The following GTF2A1L variants were observed in gnomAD, a reference collection of about 807,000 sequenced individuals.
GTF2A1L encodes general transcription factor IIA subunit 1 like.
A neutral mutation model predicts 49.7 loss-of-function variants in GTF2A1L; 48 were observed. That is an observed-to-expected ratio of 0.97 (90% CI 0.77 to 1.23). The LOEUF is 1.23. Ranked by LOEUF, GTF2A1L falls within the 50% of genes most tolerant of loss-of-function variation. The pLI is 0.00. For synonymous variants in GTF2A1L, 246 were observed against 193.5 expected, an observed-to-expected ratio of 1.27 and a Z score of -2.25; for missense variants, 736 against 564.8, an observed-to-expected ratio of 1.30 and a Z score of -3.07.
At chr2:48,675,634 A>G (rs1156632194) in intron 8 of GTF2A1L, among the ~76,000 whole-genome samples, 2 of 152,136 alleles carry the variant, frequency 1.3e-5, no homozygotes, top group East Asian at 1.9e-4. Context: ...TAATGGTGAA[A>G]TGAAACCTTT....
intron 6 of GTF2A1L, among the ~76,000 whole-genome samples, chr2:48,656,296 A>T (rs922312271): frequency 6.6e-6 from 1 of 150,522 alleles, no homozygotes; most frequent in Non-Finnish European, 1.5e-5. Context: ...CATTCTCAAC[A>T]GTAGTGCACA....
At chr2:48,656,172 C>T (rs1489030764) in intron 6 of GTF2A1L, among the ~76,000 whole-genome samples, 2 of 152,010 alleles carry the variant, frequency 1.3e-5, no homozygotes, top group South Asian at 2.1e-4. Context: ...AAATTCCTGT[C>T]TTTAATTTTT....
chr2:48,639,126 C>T (rs1278521005), intron 3 of GTF2A1L, among the ~76,000 whole-genome samples: 1 of 152,084 alleles, frequency 6.6e-6, no homozygotes, highest in Non-Finnish European at 1.5e-5. Context: ...CCATACTACC[C>T]AAAGCAATGT....
intron 5 of GTF2A1L, among the ~76,000 whole-genome samples, chr2:48,645,957 T>TC (rs971002777): frequency 5.9e-5 from 9 of 152,044 alleles, no homozygotes; most frequent in African/African-American, 2.2e-4. Context: ...CTTTTTTTTT[T>TC]TTTCTTTTAT....
At chr2:48,655,291 AT>A (rs1678108917) in intron 6 of GTF2A1L, among the ~76,000 whole-genome samples, 1 of 152,040 alleles carries the variant, frequency 6.6e-6, no homozygotes, top group Non-Finnish European at 1.5e-5. Flanking sequence ...GAACATTTTT[AT>A]TCTTATTTTT....
intron 3 of GTF2A1L, among the ~76,000 whole-genome samples, chr2:48,636,433 G>A (rs1264506900): frequency 6.6e-6 from 1 of 152,120 alleles, no homozygotes; most frequent in Non-Finnish European, 1.5e-5. Context: ...GTTTTTGTCT[G>A]TTGTGTTTTT....
chr2:48,646,582 C>A lies in GTF2A1L; in HGVS notation c.518C>A (p.Pro173Gln). 1 of 1,614,094 alleles carries A rather than the reference C, an allele frequency of 6.2e-7. No individual in the cohort carries two copies. Among genetic ancestry groups the A allele is most frequent in the Non-Finnish European group, 8.5e-7 (1 of 1,180,010 alleles). ...CCTTCAGTAATACAAACTAGTGTTC[C>A]ACAATTGAATCCATGGTCTCTTCAA... ...GQPSVIQTSV[P>Q]QLNPWSLQAT... The change falls in exon 6 of 9, where the codon CCA becomes CAA. Residue 173 changes from proline (P) to glutamine (Q), a missense_variant. Pro to Gln is a moderately conservative substitution (Grantham distance 76). Coordinates refer to ENST00000403751, the MANE Select transcript of GTF2A1L (RefSeq NM_006872.5).
rs758737328 is a variant in GTF2A1L, at chr2:48,646,587, T to A, written c.523T>A (p.Leu175Met). Residue 175 changes from leucine to methionine, a missense_variant, in exon 6 of 9, where the codon TTG becomes ATG. Physicochemically the swap from Leu to Met is conservative, Grantham distance 15. Coordinates refer to ENST00000403751, the MANE Select transcript of GTF2A1L (RefSeq NM_006872.5). ...AGTAATACAAACTAGTGTTCCACAATTGAATCCATGGTCTCTTCAAGCAAC... is the reference window on the plus strand; with the variant it reads ...AGTAATACAAACTAGTGTTCCACAAATGAATCCATGGTCTCTTCAAGCAAC... ...PSVIQTSVPQLNPWSLQATTE... is the reference protein window; with the variant it reads ...PSVIQTSVPQMNPWSLQATTE... The A allele has an allele frequency of 7.4e-6, 12 of 1,614,178 alleles. No individual in the cohort carries two copies. Among genetic ancestry groups the A allele is most frequent in the Non-Finnish European group, 1.0e-5 (12 of 1,180,034 alleles).
intron 1 of GTF2A1L, among the ~76,000 whole-genome samples, chr2:48,618,286 A>G (rs909028073): frequency 7.2e-5 from 11 of 152,194 alleles, no homozygotes; most frequent in Non-Finnish European, 1.3e-4. Flanking sequence ...TACTGCTTGA[A>G]ATAACAATGT....
intron 8 of GTF2A1L, among the ~76,000 whole-genome samples, chr2:48,672,396 C>G (rs1679220941): frequency 6.6e-6 from 1 of 152,088 alleles, no homozygotes; most frequent in Admixed American, 6.5e-5. Flanking sequence ...AAAATCTGAA[C>G]TTGGTCTGAG....
intron 6 of GTF2A1L, among the ~76,000 whole-genome samples, chr2:48,655,675 A>G (rs1678129907): frequency 6.6e-6 from 1 of 152,326 alleles, no homozygotes; most frequent in Admixed American, 6.5e-5. Flanking sequence ...CTCCTGTGCT[A>G]AAGTACACAT....
At chr2:48,652,201 C>T (rs1677887933) in intron 6 of GTF2A1L, among the ~76,000 whole-genome samples, 1 of 152,134 alleles carries the variant, frequency 6.6e-6, no homozygotes, top group African/African-American at 2.4e-5. Context: ...TAGAAGAGTC[C>T]TGGAATCTTC....
At chr2:48,676,239 A>G (rs1679460469) in intron 8 of GTF2A1L, among the ~76,000 whole-genome samples, 1 of 151,916 alleles carries the variant, frequency 6.6e-6, no homozygotes, top group South Asian at 2.1e-4. Flanking sequence ...TTGTAGGATT[A>G]CTAAAATTCA....
chr2:48,678,290 T>A lies in GTF2A1L; in HGVS notation c.1330-1045T>A, dbSNP rs191494844. ...TGTGCTGAGTTTGGGATGTTTGTTG[T>A]CACCGTTGTATTCCCGAGAGATTTT... is the stretch of plus-strand genomic sequence containing the variant. On this transcript the variant is annotated intron_variant, in intron 8 of 8. Coordinates refer to ENST00000403751, the MANE Select transcript of GTF2A1L (RefSeq NM_006872.5). Among the ~76,000 whole-genome samples the A allele has an allele frequency of 3.2e-3, 487 of 152,126 alleles. 7 individuals are homozygous for A. Among genetic ancestry groups the A allele is most frequent in the African/African-American group, 0.011 (448 of 41,538 alleles).
rs1472279935 is a variant in GTF2A1L at position 48,642,262 on chromosome 2, CTTGG to C, written c.248-139_248-136del. On this transcript the variant is annotated intron_variant, in intron 3 of 8. Transcript: ENST00000403751. ...AAAAATATAATTACTTTTTACCGCA[CTTGG>C]AATCAGGAAGTTTAGAATTCACCAT... The C allele has an allele frequency of 6.4e-5, 50 of 776,664 alleles. No homozygotes were observed. In the Admixed American group the frequency reaches 1.1e-3, roughly 18 times the overall value. 48.1% of individuals were successfully genotyped at this position (776,664 alleles called of 1,614,324 possible). A position where few individuals can be genotyped will look rare whatever the true frequency, so the allele number is the denominator to read the frequency against.
intron 6 of GTF2A1L, chr2:48,647,247 C>A (rs1677571606): frequency 6.3e-6 from 3 of 475,848 alleles, no homozygotes; most frequent in Admixed American, 7.8e-5. Flanking sequence ...CCAACTTAAC[C>A]ATTTTTAAGT....
chr2:48,627,440 G>A lies in GTF2A1L; in HGVS notation c.247+6150G>A, dbSNP rs531440403. On this transcript the variant is annotated intron_variant, in intron 3 of 8. Transcript: ENST00000403751. ...TGGTTTCCTGTCATACAGTTGAAAC[G>A]TTGTTCATTATACAAGTTTAAAAAA... Among the ~76,000 whole-genome samples, 5 of 143,848 alleles carry A rather than the reference G, an allele frequency of 3.5e-5. 1 individual carries two copies. Among genetic ancestry groups the A allele is most frequent in the Middle Eastern group, 3.5e-3 (1 of 286 alleles). The allele number at this position is 143,848 out of a possible 152,430, so 94.4% of individuals were successfully genotyped here. A position where few individuals can be genotyped will look rare whatever the true frequency, so the allele number is the denominator to read the frequency against.
intron 6 of GTF2A1L, among the ~76,000 whole-genome samples, chr2:48,658,991 C>T (rs1205499684): frequency 5.9e-5 from 9 of 152,006 alleles, no homozygotes. Context: ...GAATTTCTTT[C>T]CTTTAAGATG....
chr2:48,668,346 G>C (rs1000763615), intron 6 of GTF2A1L, among the ~76,000 whole-genome samples: 2 of 152,140 alleles, frequency 1.3e-5, no homozygotes, highest in Non-Finnish European at 2.9e-5. Context: ...AGCATCTGGA[G>C]CTTTCACCAA....
Sources: gnomAD v4.1 joint callset for allele counts (sites outside exome capture counted in the v4.1 genomes callset) on GRCh38, gnomAD v4.1.1 for gene constraint, MANE v1.5 for transcripts, NCBI Gene and HGNC (gene_info 2026-07-23, HGNC 2026-07-21) for gene names.